The following THRB variants were observed in gnomAD, a reference collection of about 807,000 sequenced individuals.
THRB encodes the protein nuclear receptor subfamily 1 group A member 2.
Under a neutral mutation model 47.8 loss-of-function variants are expected in THRB, and 12 were observed. The ratio of observed to expected loss-of-function variants is 0.25; its 90% CI spans 0.16 to 0.41. The LOEUF is 0.41. Among genes scored for constraint, THRB ranks in the 10% least tolerant of loss-of-function variants. The pLI is 1.00. For synonymous variants in THRB, 218 were observed against 212.2 expected, an observed-to-expected ratio of 1.03 and a Z score of -0.24; for missense variants, 348 against 589.2, an observed-to-expected ratio of 0.59 and a Z score of 4.24.
At chr3:24,317,172 T>C (rs1294147126) in intron 2 of THRB, among the ~76,000 whole-genome samples, 1 of 152,188 alleles carries the variant, frequency 6.6e-6, no homozygotes, top group Non-Finnish European at 1.5e-5. Flanking sequence ...TCTGTAAGTA[T>C]GAGTTTGTGG....
At chr3:24,354,016 G>A (rs2063516768) in intron 1 of THRB, among the ~76,000 whole-genome samples, 1 of 152,104 alleles carries the variant, frequency 6.6e-6, no homozygotes, top group Admixed American at 6.6e-5. Flanking sequence ...TGGGGTATAT[G>A]TGCCACATTT....
chr3:24,221,403 G>T (rs981922555), intron 4 of THRB, among the ~76,000 whole-genome samples: 1 of 152,168 alleles, frequency 6.6e-6, no homozygotes, highest in East Asian at 1.9e-4. Flanking sequence ...GTGACTGTTA[G>T]GAAAAAAGTT....
intron 3 of THRB, among the ~76,000 whole-genome samples, chr3:24,280,509 A>C (rs1341449772): frequency 2.7e-4 from 41 of 152,204 alleles, no homozygotes; most frequent in Non-Finnish European, 1.5e-5. Flanking sequence ...GAAAAACTGG[A>C]AACTCTAAAA....
At chr3:24,220,607 CTG>C (rs370498089) in intron 4 of THRB, among the ~76,000 whole-genome samples, 2 of 152,234 alleles carry the variant, frequency 1.3e-5, no homozygotes, top group African/African-American at 4.8e-5. Context: ...ATTTTGGAAA[CTG>C]AAGTTGTTCT....
intron 3 of THRB, among the ~76,000 whole-genome samples, chr3:24,246,873 C>T (rs2050160111): frequency 6.6e-6 from 1 of 152,160 alleles, no homozygotes; most frequent in Admixed American, 6.5e-5. Context: ...GGATCTTGGT[C>T]ATCAATTTGT....
intron 3 of THRB, among the ~76,000 whole-genome samples, chr3:24,235,777 C>A (rs980403552): frequency 6.6e-6 from 1 of 152,090 alleles, no homozygotes; most frequent in Non-Finnish European, 1.5e-5. Context: ...ATTGAGCAAA[C>A]GTGACTAGAT....
At chr3:24,479,311 C>T (rs1378725280) in intron 1 of THRB, among the ~76,000 whole-genome samples, 1 of 152,128 alleles carries the variant, frequency 6.6e-6, no homozygotes, top group Non-Finnish European at 1.5e-5. Context: ...CAAAAACAGA[C>T]AAACAAATAA....
chr3:24,390,091 AGCT>A (rs1352850445), intron 1 of THRB, among the ~76,000 whole-genome samples: 1 of 152,148 alleles, frequency 6.6e-6, no homozygotes, highest in Non-Finnish European at 1.5e-5. Context: ...TGGTACTCAA[AGCT>A]CCCCATACCC....
At chr3:24,489,719 A>G (rs1697852563) in intron 1 of THRB, among the ~76,000 whole-genome samples, 2 of 152,202 alleles carry the variant, frequency 1.3e-5, no homozygotes, top group African/African-American at 4.8e-5. Context: ...GGACCAAACA[A>G]CATTAGCATT....
At chr3:24,476,303 G>T (rs941767348) in intron 1 of THRB, among the ~76,000 whole-genome samples, 1 of 152,252 alleles carries the variant, frequency 6.6e-6, no homozygotes, top group Non-Finnish European at 1.5e-5. Context: ...CCTCTACAGG[G>T]TGTTCATAGC....
At chr3:24,157,308 C>T (rs542723787) in intron 5 of THRB, among the ~76,000 whole-genome samples, 2 of 151,960 alleles carry the variant, frequency 1.3e-5, no homozygotes, top group East Asian at 1.9e-4. Context: ...GACAATGGCT[C>T]GCCAGGCTTT....
At chr3:24,186,006 G>A (rs2042524861) in intron 5 of THRB, among the ~76,000 whole-genome samples, 2 of 152,306 alleles carry the variant, frequency 1.3e-5, no homozygotes, top group Admixed American at 6.5e-5. Context: ...CCCAAAGACA[G>A]GCCCAACCAA....
chr3:24,159,041 GAGA>G (rs2038351384), intron 5 of THRB, among the ~76,000 whole-genome samples: 2 of 152,194 alleles, frequency 1.3e-5, no homozygotes, highest in Non-Finnish European at 2.9e-5. Context: ...ATTTTGCTGT[GAGA>G]AGCAATTTAT....
At chr3:24,367,259 A>G (rs1464889582) in intron 1 of THRB, among the ~76,000 whole-genome samples, 1 of 152,180 alleles carries the variant, frequency 6.6e-6, no homozygotes, top group Non-Finnish European at 1.5e-5. Flanking sequence ...ATGGCAAGAG[A>G]TCGGGGAAGC....
chr3:24,343,613 A>C (rs1252242092), intron 1 of THRB, among the ~76,000 whole-genome samples: 1 of 152,136 alleles, frequency 6.6e-6, no homozygotes, highest in Non-Finnish European at 1.5e-5. Context: ...AACATAAAGC[A>C]TATATATCAT....
intron 4 of THRB, among the ~76,000 whole-genome samples, chr3:24,212,090 C>G (rs2046088730): frequency 1.3e-5 from 2 of 152,026 alleles, no homozygotes; most frequent in South Asian, 2.1e-4. Context: ...ATGGTGAAAC[C>G]CTGTCTCTAC....
chr3:24,159,010 G>A (rs141892489), intron 5 of THRB, among the ~76,000 whole-genome samples: 21 of 152,354 alleles, frequency 1.4e-4, no homozygotes, highest in African/African-American at 5.0e-4. Context: ...AGTCACTAGA[G>A]AAGGGTGATA....
chr3:24,181,211 T>G (rs2041855150), intron 5 of THRB, among the ~76,000 whole-genome samples: 1 of 152,240 alleles, frequency 6.6e-6, no homozygotes, highest in Admixed American at 6.5e-5. Context: ...TGGTAATGAT[T>G]TAATATATTT....
chr3:24,203,281 G>T (rs984174440), intron 4 of THRB, among the ~76,000 whole-genome samples: 1 of 152,126 alleles, frequency 6.6e-6, no homozygotes, highest in Non-Finnish European at 1.5e-5. Context: ...GGGTGTGGTG[G>T]CACACACCTG....
Sources: gnomAD v4.1 joint callset for allele counts (sites outside exome capture counted in the v4.1 genomes callset) on GRCh38, gnomAD v4.1.1 for gene constraint, MANE v1.5 for transcripts, NCBI Gene and HGNC (gene_info 2026-07-23, HGNC 2026-07-21) for gene names.